The following RSPH14 variants were observed in gnomAD, a reference collection of about 807,000 sequenced individuals.
RSPH14 encodes the protein rhabdoid tumor deletion region gene 1.
A neutral mutation model predicts 26.7 loss-of-function variants in RSPH14; 20 were observed. That is an observed-to-expected ratio of 0.75 (90% CI 0.53 to 1.09). The LOEUF (loss-of-function observed/expected upper bound fraction) is 1.09, where lower values mean the gene tolerates loss of function less well. Among genes scored for constraint, RSPH14 ranks in the 50% least tolerant of loss-of-function variants. The pLI is 0.00. For missense variants in RSPH14, 449 were observed against 457.2 expected, an observed-to-expected ratio of 0.98 and a Z score of 0.16; for synonymous variants, 177 against 189.3, an observed-to-expected ratio of 0.93 and a Z score of 0.53.
intron 3 of RSPH14, among the ~76,000 whole-genome samples, chr22:23,135,408 T>C (rs1405202706): frequency 4.7e-5 from 7 of 149,382 alleles, no homozygotes; most frequent in South Asian, 4.2e-4. Flanking sequence ...AGGAGAATGG[T>C]GTGAACCCGG....
chr22:23,164,743 C>A, the RSPH14 span, among the ~76,000 whole-genome samples: 1 of 152,144 alleles, frequency 6.6e-6, no homozygotes, highest in Non-Finnish European at 1.5e-5. Context: ...TGGACCCTTT[C>A]CTGCTCTCTG....
chr22:23,137,291 C>T (rs1400349679), intron 3 of RSPH14, among the ~76,000 whole-genome samples: 1 of 135,990 alleles, frequency 7.4e-6, no homozygotes, highest in African/African-American at 2.6e-5. Context: ...CTGGTTTCAC[C>T]ATGTTGGCCT....
chr22:23,059,628 TTGG>T lies in RSPH14; in HGVS notation c.878_880del (p.Thr293del), dbSNP rs1569150168. 6.2e-7 allele frequency: 1 copy of T among 1,610,160 alleles called. No individual in the cohort carries two copies. Among genetic ancestry groups the T allele is most frequent in the East Asian group, 2.2e-5 (1 of 44,810 alleles). On this transcript the variant is annotated inframe_deletion, in exon 7 of 7. Coordinates refer to ENST00000216036, the MANE Select transcript of RSPH14 (RefSeq NM_014433.3). ...GGCCTCTGCCAGCATGGTAAGGGCC[TTGG>T]TGGCATTCAGGCGCGCTATGGTCAT...
At chr22:23,142,080 G>A (rs768964264), upstream of RSPH14, 17 of 977,050 alleles carry the variant, frequency 1.7e-5, no homozygotes, top group Non-Finnish European at 1.9e-5. Context: ...AGCACCCACT[G>A]CGCAGGCGCA....
In RSPH14 at chr22:23,092,444, C is replaced by T. The variant is rs550682302; in HGVS notation, c.422-28311G>A. 2.0e-5 allele frequency among the ~76,000 whole-genome samples: 3 copies of T among 152,188 alleles called. No individual in the cohort carries two copies. In the South Asian group the frequency reaches 6.2e-4, roughly 32 times the overall value. The stretch of plus-strand genomic sequence containing the variant: ...CCGCAGGGAGAATTCTGGGTGGGGC[C>T]TTCTGCTTGTTTGGTTCAGGTGATC... On this transcript the variant is annotated intron_variant, in intron 4 of 6. Coordinates refer to ENST00000216036, the MANE Select transcript of RSPH14 (RefSeq NM_014433.3).
At chr22:23,160,999 G>A in the RSPH14 span, 13 of 1,597,222 alleles carry the variant, frequency 8.1e-6, no homozygotes, top group East Asian at 2.3e-5. Flanking sequence ...GACCTAATCC[G>A]TGAGTATAGG....
At chr22:23,145,276 T>G, upstream of RSPH14, 24 of 388,580 alleles carry the variant, frequency 6.2e-5, no homozygotes, top group Non-Finnish European at 1.0e-4. Context: ...AGCACCGCCC[T>G]TGTTGTCATG....
Position 23,061,567 on chromosome 22 carries a change from C to T in RSPH14, c.790+242G>A, listed in dbSNP as rs74954522. Among the ~76,000 whole-genome samples, 1,217 of 152,160 alleles carry T rather than the reference C, an allele frequency of 8.0e-3. 18 individuals are homozygous for T. The highest frequency in any genetic ancestry group is 0.028 in the African/African-American group (1,167 of 41,502). ...TCCAGGCCCAGGGAACAGACTGGTG[C>T]GAAGGCACAGAGGTCCTAATGTGAG... On this transcript the variant is annotated intron_variant, in intron 6 of 6. Transcript: ENST00000216036.
chr22:23,138,886 T>C lies in RSPH14; in HGVS notation c.256A>G (p.Lys86Glu). Residue 86 changes from lysine (K) to glutamate (E), a missense_variant, in exon 3 of 7, where the codon AAG (lysine) becomes GAG (glutamate). By Grantham distance (56) the Lys-to-Glu change is moderately conservative. Coordinates refer to ENST00000216036, the MANE Select transcript of RSPH14 (RefSeq NM_014433.3). ...LKDSNSMVRI[K>E]TTEVLHITAS... ...GTGATGTGGAGCACCTCGGTGGTCT[T>C]TATGCGCACCATACTGTTGCTATCC... is the stretch of plus-strand genomic sequence containing the variant. The C allele has an allele frequency of 6.4e-7, 1 of 1,550,402 alleles. No individual in the cohort carries two copies. The highest frequency in any genetic ancestry group is 8.7e-7 in the Non-Finnish European group (1 of 1,147,058).
intron 4 of RSPH14, among the ~76,000 whole-genome samples, chr22:23,065,534 CAAAAAAAAAAAAAAA>C (rs10562943): frequency 4.4e-5 from 2 of 45,158 alleles, no homozygotes; most frequent in African/African-American, 8.7e-5. Context: ...GCACAGATTG[CAAAAAAAAAAAAAAA>C]AAAAAAAAAA....
intron 4 of RSPH14, among the ~76,000 whole-genome samples, chr22:23,125,981 G>T (rs978008108): frequency 5.3e-5 from 8 of 151,982 alleles, no homozygotes; most frequent in African/African-American, 1.9e-4. Context: ...TGCTGTCACC[G>T]CCCCATCCCT....
At chr22:23,172,051 T>C in the RSPH14 span, among the ~76,000 whole-genome samples, 1 of 152,174 alleles carries the variant, frequency 6.6e-6, no homozygotes, top group Non-Finnish European at 1.5e-5. Context: ...ACAATTGCCA[T>C]CATAAACTGA....
intron 4 of RSPH14, among the ~76,000 whole-genome samples, chr22:23,076,671 T>C (rs1423612603): frequency 6.6e-6 from 1 of 152,212 alleles, no homozygotes; most frequent in Non-Finnish European, 1.5e-5. Flanking sequence ...AGTGGGGCCT[T>C]TGTCAGACAC....
At chr22:23,068,679 G>C (rs2068266829) in intron 4 of RSPH14, among the ~76,000 whole-genome samples, 1 of 152,200 alleles carries the variant, frequency 6.6e-6, no homozygotes, top group Admixed American at 6.5e-5. Context: ...CTGACCCCCA[G>C]ACTCTGCAGT....
chr22:23,095,534 G>A (rs1223140911), intron 4 of RSPH14: 20 of 736,378 alleles, frequency 2.7e-5, no homozygotes, highest in East Asian at 1.6e-4. Context: ...GAGAAGAGGC[G>A]CTGGGGCAGG....
At chr22:23,161,676 T>A in the RSPH14 span, 2 of 967,026 alleles carry the variant, frequency 2.1e-6, no homozygotes, top group Non-Finnish European at 1.5e-6. Context: ...CCTCAAGCTG[T>A]AGGCCCATGT....
upstream of RSPH14, chr22:23,146,619 G>A: frequency 6.2e-7 from 1 of 1,614,044 alleles, no homozygotes; most frequent in Non-Finnish European, 8.5e-7. Context: ...GTGGAAGAAT[G>A]AGGTCCTCCC....
At chr22:23,130,465 G>A (rs1346329736) in intron 4 of RSPH14, among the ~76,000 whole-genome samples, 1 of 47,002 alleles carries the variant, frequency 2.1e-5, no homozygotes, top group African/African-American at 8.8e-5. Context: ...AAAAAAAAAA[G>A]AAAAAGAAAA....
At chr22:23,115,729 G>A (rs969663531) in intron 4 of RSPH14, among the ~76,000 whole-genome samples, 5 of 152,202 alleles carry the variant, frequency 3.3e-5, no homozygotes, top group African/African-American at 1.2e-4. Flanking sequence ...GTTGGGGGCC[G>A]GGGCTCATGT....
Sources: gnomAD v4.1 joint callset for allele counts (sites outside exome capture counted in the v4.1 genomes callset) on GRCh38, gnomAD v4.1.1 for gene constraint, MANE v1.5 for transcripts, NCBI Gene and HGNC (gene_info 2026-07-23, HGNC 2026-07-21) for gene names.